NDST4: variants seen among roughly 807,000 people sequenced by gnomAD.
NDST4 encodes the protein N-heparan sulfate sulfotransferase 4.
NDST4 carries 63 observed loss-of-function variants against 100.8 expected under a neutral mutation model. The observed-to-expected ratio is 0.62, with a 90% CI of 0.51 to 0.77. NDST4 has a LOEUF of 0.77. Among genes scored for constraint, NDST4 ranks in the 30% least tolerant of loss-of-function variants. The pLI is 0.00. For synonymous variants in NDST4, 377 were observed against 361.8 expected (o/e 1.04, Z -0.48); for missense variants, 943 against 1,018.4 (o/e 0.93, Z 1.01).
chr4:115,022,810 A>G (rs1448000064), intron 2 of NDST4, among the ~76,000 whole-genome samples: 3 of 152,152 alleles, frequency 2.0e-5, no homozygotes, highest in African/African-American at 4.8e-5. Flanking sequence ...CTTTAAAAAT[A>G]GGAATTTCCC....
chr4:114,910,265 G>A (rs1578382534), intron 6 of NDST4, among the ~76,000 whole-genome samples: 2 of 152,210 alleles, frequency 1.3e-5, no homozygotes, highest in East Asian at 1.9e-4. Context: ...CAGTAGGTGA[G>A]CAAAAAAGTA....
At chr4:114,970,292 A>G (rs1726481605) in intron 4 of NDST4, 138 bp downstream of exon 4, 1 of 670,740 alleles carries the variant, frequency 1.5e-6, no homozygotes, top group South Asian at 2.8e-5. Flanking sequence ...AGTTATATGT[A>G]CCCTCAATAC....
chr4:115,069,716 T>C (rs547928), intron 2 of NDST4, among the ~76,000 whole-genome samples: 36,759 of 151,742 alleles, frequency 0.24, 5,984 homozygotes, highest in East Asian at 0.45. Flanking sequence ...GCCAACATGG[T>C]GAAACCCCAT....
At chr4:114,995,626 A>G (rs755483951) in intron 2 of NDST4, among the ~76,000 whole-genome samples, 7 of 152,048 alleles carry the variant, frequency 4.6e-5, no homozygotes, top group Admixed American at 6.6e-5. Context: ...CTTCTGTGGG[A>G]ATTTTATTTG....
intron 6 of NDST4, among the ~76,000 whole-genome samples, chr4:114,877,829 G>A (rs554957341): frequency 6.6e-6 from 1 of 152,058 alleles, no homozygotes. Context: ...GCTCCTGCCT[G>A]TATTCCCAGC....
At chr4:115,015,228 C>T (rs1727649140) in intron 2 of NDST4, among the ~76,000 whole-genome samples, 1 of 152,070 alleles carries the variant, frequency 6.6e-6, no homozygotes, top group South Asian at 2.1e-4. Flanking sequence ...CCTATGGCCT[C>T]ATTGGAAAAT....
intron 4 of NDST4, among the ~76,000 whole-genome samples, chr4:114,969,887 A>C (rs1038779283): frequency 6.6e-6 from 1 of 152,216 alleles, no homozygotes; most frequent in African/African-American, 2.4e-5. Context: ...AGAAATTGCC[A>C]CACTGCTTTC....
intron 1 of NDST4, among the ~76,000 whole-genome samples, chr4:115,107,321 A>G (rs1385954201): frequency 6.6e-6 from 1 of 152,110 alleles, no homozygotes; most frequent in African/African-American, 2.4e-5. Context: ...TCTAAAACTG[A>G]TTAGTTTTTT....
intron 10 of NDST4, among the ~76,000 whole-genome samples, chr4:114,840,274 A>G (rs1190936351): frequency 6.6e-6 from 1 of 152,182 alleles, no homozygotes; most frequent in East Asian, 1.9e-4. Flanking sequence ...TTGGTCAAAC[A>G]GGAAAGGGCC....
intron 2 of NDST4, among the ~76,000 whole-genome samples, chr4:114,986,311 G>C (rs573035514): frequency 6.6e-6 from 1 of 152,040 alleles, no homozygotes; most frequent in Non-Finnish European, 1.5e-5. Context: ...AACACTCCAC[G>C]TGTCTTTGAC....
chr4:114,913,579 G>GT (rs1351984813), intron 6 of NDST4, among the ~76,000 whole-genome samples: 1 of 151,782 alleles, frequency 6.6e-6, no homozygotes, highest in East Asian at 1.9e-4. Flanking sequence ...AATTTCTTCA[G>GT]TTTTTAAAGG....
intron 11 of NDST4, among the ~76,000 whole-genome samples, chr4:114,834,117 C>T (rs1723258964): frequency 6.6e-6 from 1 of 152,156 alleles, no homozygotes; most frequent in Non-Finnish European, 1.5e-5. Flanking sequence ...ATGAAAATCA[C>T]CCATCTAATC....
intron 7 of NDST4, among the ~76,000 whole-genome samples, chr4:114,859,281 A>G (rs958113026): frequency 6.6e-6 from 1 of 152,214 alleles, no homozygotes; most frequent in Non-Finnish European, 1.5e-5. Context: ...GCCAGCAAAA[A>G]TGCTAGACAA....
At chr4:114,850,396 G>A (rs557921585) in intron 8 of NDST4, among the ~76,000 whole-genome samples, 2 of 152,170 alleles carry the variant, frequency 1.3e-5, no homozygotes, top group Non-Finnish European at 2.9e-5. Context: ...TGATAGGGAG[G>A]AGAGAGCAAG....
intron 1 of NDST4, among the ~76,000 whole-genome samples, chr4:115,080,118 T>G (rs1002995444): frequency 1.8e-4 from 28 of 152,116 alleles, no homozygotes; most frequent in African/African-American, 6.8e-4. Context: ...AATACTCTAT[T>G]TACAAATTTT....
intron 6 of NDST4, among the ~76,000 whole-genome samples, chr4:114,922,822 G>C (rs1242671333): frequency 6.6e-6 from 1 of 152,164 alleles, no homozygotes; most frequent in African/African-American, 2.4e-5. Context: ...AACCTATTGA[G>C]CCCATGCTCT....
intron 6 of NDST4, among the ~76,000 whole-genome samples, chr4:114,875,095 T>C (rs1724229998): frequency 6.6e-6 from 1 of 152,158 alleles, no homozygotes; most frequent in African/African-American, 2.4e-5. Flanking sequence ...AATGGATGAA[T>C]TGAAGAATAA....
intron 11 of NDST4, among the ~76,000 whole-genome samples, chr4:114,837,963 A>C (rs1368824480): frequency 6.6e-6 from 1 of 152,240 alleles, no homozygotes; most frequent in Non-Finnish European, 1.5e-5. Context: ...CAAGGAACTT[A>C]AACAAATTTA....
At chr4:115,032,150 T>G (rs973691722) in intron 2 of NDST4, among the ~76,000 whole-genome samples, 5 of 152,064 alleles carry the variant, frequency 3.3e-5, no homozygotes, top group African/African-American at 1.2e-4. Context: ...TAAGCACACA[T>G]GATGTTCTGT....
Sources: gnomAD v4.1 joint callset for allele counts (sites outside exome capture counted in the v4.1 genomes callset) on GRCh38, gnomAD v4.1.1 for gene constraint, MANE v1.5 for transcripts, NCBI Gene and HGNC (gene_info 2026-07-23, HGNC 2026-07-21) for gene names.